TSC22D2: variants seen among roughly 807,000 people sequenced by gnomAD.
The protein encoded by TSC22D2 is TSC22 domain family member 2, also known as TSC22 domain family protein 2.
In TSC22D2, 5 loss-of-function variants were observed where a neutral mutation model predicts 50.1. The ratio of observed to expected loss-of-function variants is 0.10; its 90% confidence interval spans 0.05 to 0.21. The LOEUF is 0.21. TSC22D2 is among the 10% of genes least tolerant of loss of function. The probability of loss-of-function intolerance (pLI) is 1.00; values close to 1 mark genes in which losing one functional copy is unlikely to be tolerated. For missense variants in TSC22D2, 1,003 were observed against 1,015.5 expected (o/e 0.99, Z 0.17); for synonymous variants, 501 against 450.1 (o/e 1.11, Z -1.43).
At position 150,465,888 on chromosome 3, in the gene TSC22D2, C is replaced by A. The variant is rs764200666; in HGVS notation, c.*7252C>A. On this transcript the variant is annotated 3_prime_UTR_variant, in exon 3 of 3. Transcript: ENST00000688009. ...CCATTAGTCATTTCTATTATCAGAT[C>A]ATAAAAAAACATAGTACATAGAGGG... is the stretch of plus-strand genomic sequence containing the variant. 2 of 151,886 alleles carry A rather than the reference C, an allele frequency of 1.3e-5. No individual in the cohort carries two copies. The highest frequency in any genetic ancestry group is 2.9e-5 in the Non-Finnish European group (2 of 67,980). The allele number at this position is 151,886 out of a possible 1,614,324, so 9.4% of individuals were successfully genotyped here.
intron 1 of TSC22D2, among the ~76,000 whole-genome samples, chr3:150,430,454 G>A (rs763017218): frequency 7.9e-5 from 12 of 152,278 alleles, no homozygotes; most frequent in Middle Eastern, 3.4e-3. Context: ...TCATGATAGG[G>A]GAGCAGTCAA....
In TSC22D2 at chr3:150,410,917, A is replaced by G. The variant is rs1441010054; in HGVS notation, c.1567A>G (p.Thr523Ala). Reference sequence around the variant, plus strand: ...CGCTCCAAGCGTGCCTAGTGTGTCTACCACTTCTGTTACTATGCCAAATGT... The same window carrying G: ...CGCTCCAAGCGTGCCTAGTGTGTCTGCCACTTCTGTTACTATGCCAAATGT... Reference protein sequence around the residue: ...VPAPSVPSVSTTSVTMPNVPA... With the variant: ...VPAPSVPSVSATSVTMPNVPA... Residue 523 changes from threonine to alanine, a missense_variant, in exon 1 of 3, where the codon ACC becomes GCC. By Grantham distance (58) the Thr-to-Ala change is moderately conservative. Coordinates refer to ENST00000688009, the MANE Select transcript of TSC22D2 (RefSeq NM_001303264.2). 8.7e-6 allele frequency: 14 copies of G among 1,613,996 alleles called. No homozygotes were observed. Among genetic ancestry groups the G allele is most frequent in the Admixed American group, 5.0e-5 (3 of 60,022 alleles).
intron 1 of TSC22D2, among the ~76,000 whole-genome samples, chr3:150,445,356 AATAAGC>A (rs1330334381): frequency 7.2e-6 from 1 of 139,088 alleles, no homozygotes; most frequent in Non-Finnish European, 1.6e-5. Context: ...TAATAATAAT[AATAAGC>A]CTTGTAAATG....
Position 150,409,971 on chromosome 3 carries a change from T to A in TSC22D2, c.621T>A (p.Thr207=), listed in dbSNP as rs1483282162. Residue 207 remains threonine, a synonymous_variant, in exon 1 of 3, where the codon ACT becomes ACA. Coordinates refer to ENST00000688009, the MANE Select transcript of TSC22D2 (RefSeq NM_001303264.2). This position sits in a 1 kb window ranked among gnomAD's most constrained non-coding sequence, Gnocchi z 7.4. ...GGGATTGCATTAGACACAGCAGTAC[T>A]TTTGACCAGACTGCGGAGCGGGACA... The part of the protein sequence containing the change: ...RSGDCIRHSS[T]FDQTAERDSG... The A allele has an allele frequency of 6.2e-7, 1 of 1,613,884 alleles. No individual in the cohort carries two copies. The highest frequency in any genetic ancestry group is 8.5e-7 in the Non-Finnish European group (1 of 1,180,014).
Position 150,449,098 on chromosome 3 carries a change from A to G in TSC22D2, c.1959-7978A>G, listed in dbSNP as rs185198351. Among the ~76,000 whole-genome samples the G allele has an allele frequency of 1.2e-3, 183 of 152,234 alleles. 1 individual carries two copies. The South Asian group carries it at 0.023, about 19-fold the overall frequency. ...AATTCACTCTAAACCAAGAAACAGGATTTTTACAAATCACAAATATCACTT... is the reference window on the plus strand; with the variant it reads ...AATTCACTCTAAACCAAGAAACAGGGTTTTTACAAATCACAAATATCACTT... On this transcript the variant is annotated intron_variant, in intron 1 of 2. Transcript: ENST00000688009.
chr3:150,418,407 A>C (rs1215962045), intron 1 of TSC22D2, among the ~76,000 whole-genome samples: 1 of 152,008 alleles, frequency 6.6e-6, no homozygotes, highest in Non-Finnish European at 1.5e-5. Context: ...CTATTTAAAA[A>C]TTATTCTCTG....
At chr3:150,453,171 T>C (rs1157465436) in intron 1 of TSC22D2, among the ~76,000 whole-genome samples, 1 of 152,204 alleles carries the variant, frequency 6.6e-6, no homozygotes, top group Non-Finnish European at 1.5e-5. Context: ...AGGAAGCCTT[T>C]TCTTAGGGAG....
At chr3:150,417,652 G>A (rs1363133430) in intron 1 of TSC22D2, among the ~76,000 whole-genome samples, 3 of 152,070 alleles carry the variant, frequency 2.0e-5, no homozygotes, top group Non-Finnish European at 4.4e-5. Context: ...ATTAAATGAT[G>A]TGTGCAAGTA....
At chr3:150,440,029 AT>A (rs1720667176) in intron 1 of TSC22D2, among the ~76,000 whole-genome samples, 1 of 152,196 alleles carries the variant, frequency 6.6e-6, no homozygotes, top group South Asian at 2.1e-4. Context: ...ACATTATCTC[AT>A]TTAATTTTCA....
chr3:150,461,228 GC>G lies in TSC22D2; in HGVS notation c.*2595del, dbSNP rs981634945. ...AAAATGCAGAATTATTGTGGTGTCT[GC>G]CCTCTGCTTTCCCATCATCCCCTCC... is the stretch of plus-strand genomic sequence containing the variant. On this transcript the variant is annotated 3_prime_UTR_variant, in exon 3 of 3. Coordinates refer to ENST00000688009, the MANE Select transcript of TSC22D2 (RefSeq NM_001303264.2). 4.6e-5 allele frequency: 7 copies of G among 152,120 alleles called. No homozygotes were observed. Among genetic ancestry groups the G allele is most frequent in the African/African-American group, 1.4e-4 (6 of 41,424 alleles). 9.4% of individuals were successfully genotyped at this position (152,120 alleles called of 1,614,324 possible). A position where few individuals can be genotyped will look rare whatever the true frequency, so the allele number is the denominator to read the frequency against.
rs912033195 is a variant in TSC22D2 at position 150,460,077 on chromosome 3, A to ATATT, written c.*1443_*1446dup. The ATATT allele has an allele frequency of 2.0e-5, 3 of 152,178 alleles. No homozygotes were observed. The highest frequency in any genetic ancestry group is 7.2e-5 in the African/African-American group (3 of 41,446). The allele number at this position is 152,178 out of a possible 1,614,324, so 9.4% of individuals were successfully genotyped here. ...ATGTCAGAAATTGATGTATAAATAT[A>ATATT]TATTTTAACATTTTCTGAAATTAAA... On this transcript the variant is annotated 3_prime_UTR_variant, in exon 3 of 3. Coordinates refer to ENST00000688009, the MANE Select transcript of TSC22D2 (RefSeq NM_001303264.2).
At position 150,409,637 on chromosome 3, in the gene TSC22D2, C is replaced by G. The variant is rs758908473; in HGVS notation, c.287C>G (p.Ala96Gly). The change falls in exon 1 of 3, where the codon GCG becomes GGG. Residue 96 changes from alanine to glycine, a missense_variant. Coordinates refer to ENST00000688009, the MANE Select transcript of TSC22D2 (RefSeq NM_001303264.2). The surrounding 1 kb of genome is among the most constrained non-coding windows in gnomAD (Gnocchi z 7.4). Reference protein sequence around the residue: ...PNLLLDGQLAAAAAAPANGGG... With the variant: ...PNLLLDGQLAGAAAAPANGGG... The stretch of plus-strand genomic sequence containing the variant: ...CTCCTCCTAGATGGGCAGCTGGCAG[C>G]GGCGGCTGCTGCTCCCGCCAACGGA... The G allele has an allele frequency of 1.1e-5, 18 of 1,608,138 alleles. No homozygotes were observed. The highest frequency in any genetic ancestry group is 1.2e-5 in the Non-Finnish European group (14 of 1,177,058).
In TSC22D2 at chr3:150,411,149, C is replaced by T; in HGVS notation, c.1799C>T (p.Pro600Leu). Reference protein sequence around the residue: ...QVDDTRRKSEPLPQPPLSLIA... With the variant: ...QVDDTRRKSELLPQPPLSLIA... ...GACGATACTAGAAGAAAATCAGAAC[C>T]CCTACCTCAACCACCACTTTCTCTC... The change falls in exon 1 of 3, where the codon CCC becomes CTC. Residue 600 changes from proline to leucine, a missense_variant. By Grantham distance (98) the Pro-to-Leu change is moderately conservative (BLOSUM62 -3). Transcript: ENST00000688009. The T allele has an allele frequency of 1.2e-6, 2 of 1,614,128 alleles. No individual in the cohort carries two copies. Among genetic ancestry groups the T allele is most frequent in the Non-Finnish European group, 1.7e-6 (2 of 1,180,028 alleles).
intron 1 of TSC22D2, among the ~76,000 whole-genome samples, chr3:150,432,874 T>C (rs1327296604): frequency 6.6e-6 from 1 of 152,182 alleles, no homozygotes; most frequent in Non-Finnish European, 1.5e-5. Flanking sequence ...AAGAAAGAGA[T>C]GACTGACTCT....
At chr3:150,423,246 A>G in intron 1 of TSC22D2, 1 of 619,460 alleles carries the variant, frequency 1.6e-6, no homozygotes, top group South Asian at 2.8e-5. Flanking sequence ...GGTATCTAGC[A>G]TGGGACAAAG....
intron 2 of TSC22D2, among the ~76,000 whole-genome samples, chr3:150,457,874 G>T (rs1246371495): frequency 6.6e-6 from 1 of 152,054 alleles, no homozygotes; most frequent in Non-Finnish European, 1.5e-5. Flanking sequence ...GACCTCAGGT[G>T]ATCTACACGC....
chr3:150,456,123 C>T (rs901337631), intron 1 of TSC22D2, among the ~76,000 whole-genome samples: 3 of 151,880 alleles, frequency 2.0e-5, no homozygotes, highest in African/African-American at 7.3e-5. Flanking sequence ...GTGATTTTTG[C>T]CAGCAAGTAA....
Position 150,444,305 on chromosome 3 carries a change from TATAAA to T in TSC22D2, c.1959-12767_1959-12763del, listed in dbSNP as rs1476163841. Among the ~76,000 whole-genome samples, 4 of 152,332 alleles carry T rather than the reference TATAAA, an allele frequency of 2.6e-5. No individual in the cohort carries two copies. The East Asian group carries it at 7.7e-4, about 29-fold the overall frequency. On this transcript the variant is annotated intron_variant, in intron 1 of 2. Coordinates refer to ENST00000688009, the MANE Select transcript of TSC22D2 (RefSeq NM_001303264.2). ...ATATAACATCTGTTTATACCAAACT[TATAAA>T]ATATAATTAGATAATATATTGTAAG...
intron 1 of TSC22D2, among the ~76,000 whole-genome samples, chr3:150,455,951 T>C (rs558429256): frequency 6.6e-6 from 1 of 152,284 alleles, no homozygotes; most frequent in East Asian, 1.9e-4. Flanking sequence ...TCTTACTACT[T>C]AATACATGGT....
Sources: gnomAD v4.1 joint callset for allele counts (sites outside exome capture counted in the v4.1 genomes callset) on GRCh38, gnomAD v4.1.1 for gene constraint, Gnocchi (gnomAD v3.1) non-coding constraint, MANE v1.5 for transcripts, NCBI Gene and HGNC (gene_info 2026-07-23, HGNC 2026-07-21) for gene names.